PMP22: variants seen among roughly 807,000 people sequenced by gnomAD.
The protein encoded by PMP22 is Charcot-Marie-Tooth neuropathy 1A (greatly reduced nerve conduction velocity, hereditary motor sensory neuropathy Ia).
PMP22 carries 2 observed loss-of-function variants against 18.9 expected under a neutral mutation model. The observed-to-expected ratio is 0.11, with a 90% CI of 0.04 to 0.33. The LOEUF is 0.33. Among genes scored for constraint, PMP22 ranks in the 10% least tolerant of loss-of-function variants. The probability of loss-of-function intolerance (pLI) is 1.00; values close to 1 mark genes in which losing one functional copy is unlikely to be tolerated. For missense variants in PMP22, 169 were observed against 202.2 expected (o/e 0.84, Z 1.00); for synonymous variants, 95 against 89.2 (o/e 1.07, Z -0.37).
At chr17:15,260,864 C>G in intron 1 of PMP22, 103 bp from the exon 2 acceptor site, 1 of 835,900 alleles carries the variant, frequency 1.2e-6, no homozygotes, top group Non-Finnish European at 1.9e-6. Flanking sequence ...CCGGCCTGGC[C>G]CAGCGCCCGC....
intron 3 of PMP22, 64 bp from the exon 4 acceptor site, chr17:15,239,675 G>A: frequency 1.3e-6 from 2 of 1,565,516 alleles, no homozygotes; most frequent in Non-Finnish European, 8.8e-7. Flanking sequence ...CTGCCTCGAG[G>A]TGCAGGGCCT....
chr17:15,262,389 TCTC>T (rs1288713365), intron 1 of PMP22: 3 of 152,144 alleles, frequency 2.0e-5, no homozygotes, highest in East Asian at 3.9e-4. Context: ...TGCCCACATT[TCTC>T]CTCCATCTCC....
At chr17:15,234,544 G>A (rs570699854) in intron 4 of PMP22, among the ~76,000 whole-genome samples, 86 of 152,090 alleles carry the variant, frequency 5.7e-4, no homozygotes, top group Non-Finnish European at 9.4e-4. Context: ...GCAGGAAGGG[G>A]CTGTGAGGCC....
At chr17:15,235,204 G>A (rs1906692196) in intron 4 of PMP22, 1 of 717,426 alleles carries the variant, frequency 1.4e-6, no homozygotes, top group Non-Finnish European at 2.6e-6. Context: ...AAAAGAGAGA[G>A]AAAGTGAAAC....
intron 3 of PMP22, among the ~76,000 whole-genome samples, chr17:15,243,824 A>T (rs962409935): frequency 2.0e-5 from 3 of 149,428 alleles, no homozygotes; most frequent in Non-Finnish European, 4.4e-5. Flanking sequence ...TTTTATTTAT[A>T]GACATACAAA....
At chr17:15,252,294 G>A (rs1360124900) in intron 3 of PMP22, among the ~76,000 whole-genome samples, 1 of 152,174 alleles carries the variant, frequency 6.6e-6, no homozygotes, top group African/African-American at 2.4e-5. Flanking sequence ...AAGGGCTCAG[G>A]TTGGGGGCTG....
Position 15,230,911 on chromosome 17 carries a change from G to C in PMP22, c.*6C>G, listed in dbSNP as rs1308336637. 1 of 1,613,562 alleles carries C rather than the reference G, an allele frequency of 6.2e-7. No individual in the cohort carries two copies. Among genetic ancestry groups the C allele is most frequent in the African/African-American group, 1.3e-5 (1 of 74,894 alleles). On this transcript the variant is annotated 3_prime_UTR_variant, in exon 5 of 5. Transcript: ENST00000312280. ...CTCAGAGCCTCAGACAGACCGTCTG[G>C]GCGCCTCATTCGCGTTTCCGCAAGA...
At chr17:15,236,912 C>T (rs748678616) in intron 4 of PMP22, among the ~76,000 whole-genome samples, 1 of 152,154 alleles carries the variant, frequency 6.6e-6, no homozygotes, top group Non-Finnish European at 1.5e-5. Flanking sequence ...GGATTAACAA[C>T]GGAGGACAGG....
At chr17:15,248,399 A>G (rs1424914513) in intron 3 of PMP22, among the ~76,000 whole-genome samples, 2 of 152,234 alleles carry the variant, frequency 1.3e-5, no homozygotes, top group East Asian at 3.8e-4. Flanking sequence ...AAGGTATTCC[A>G]GCTAACTTTG....
chr17:15,243,906 T>C (rs1245573868), intron 3 of PMP22, among the ~76,000 whole-genome samples: 2 of 151,454 alleles, frequency 1.3e-5, no homozygotes, highest in South Asian at 2.1e-4. Flanking sequence ...AATAAAAGAA[T>C]GGGATGGAAT....
At chr17:15,264,255 T>TAGATAGATAGATAGATAGATAG (rs9303128) in intron 1 of PMP22, among the ~76,000 whole-genome samples, 9 of 150,232 alleles carry the variant, frequency 6.0e-5, no homozygotes, top group Non-Finnish European at 1.0e-4. Context: ...GATAGATAGA[T>TAGATAGATAGATAGATAGATAG]ATAGATAGAT....
chr17:15,248,676 T>G (rs1231972076), intron 3 of PMP22, among the ~76,000 whole-genome samples: 1 of 151,992 alleles, frequency 6.6e-6, no homozygotes, highest in African/African-American at 2.4e-5. Flanking sequence ...AGAATTGCTC[T>G]TGGAAGACTT....
rs955384444 is a variant in PMP22, at chr17:15,233,860, G to A, written c.320-2780C>T. ...AACTGGAGAACTGGAGAAGCCACACGGACTCTCATATAATAGGCTGATTAG... is the reference window on the plus strand; with the variant it reads ...AACTGGAGAACTGGAGAAGCCACACAGACTCTCATATAATAGGCTGATTAG... On this transcript the variant is annotated intron_variant, in intron 4 of 4. Coordinates refer to ENST00000312280, the MANE Select transcript of PMP22 (RefSeq NM_000304.4). 7.9e-5 allele frequency among the ~76,000 whole-genome samples: 12 copies of A among 152,172 alleles called. No homozygotes were observed. In the South Asian group the frequency reaches 1.7e-3, roughly 21 times the overall value.
intron 3 of PMP22, among the ~76,000 whole-genome samples, chr17:15,250,987 G>C (rs967379082): frequency 6.6e-6 from 1 of 152,074 alleles, no homozygotes; most frequent in Non-Finnish European, 1.5e-5. Context: ...ATCAAATCAT[G>C]ACACTCTTCT....
intron 3 of PMP22, among the ~76,000 whole-genome samples, chr17:15,246,151 A>T (rs1907795817): frequency 1.3e-5 from 2 of 152,226 alleles, no homozygotes; most frequent in Non-Finnish European, 1.5e-5. Context: ...TCTCCAGCAT[A>T]AGGGTGCTAC....
Position 15,234,295 on chromosome 17 carries a change from C to CT in PMP22, c.320-3216dup, listed in dbSNP as rs1405793603. On this transcript the variant is annotated intron_variant, in intron 4 of 4. Coordinates refer to ENST00000312280, the MANE Select transcript of PMP22 (RefSeq NM_000304.4). ...GAATAGAGCTTCAAAGAGTAAGTAG[C>CT]TAACAGTATTGAAAGGAGCAGAGTG... is the stretch of plus-strand genomic sequence containing the variant. Among the ~76,000 whole-genome samples the CT allele has an allele frequency of 2.6e-5, 4 of 152,134 alleles. No individual in the cohort carries two copies. In the East Asian group the frequency reaches 7.7e-4, roughly 29 times the overall value.
chr17:15,239,425 T>C lies in PMP22; in HGVS notation c.319+46A>G, dbSNP rs761100795. On this transcript the variant is annotated intron_variant, in intron 4 of 4. Coordinates refer to ENST00000312280, the MANE Select transcript of PMP22 (RefSeq NM_000304.4). ...CTACTAAACTAATCATTCCGCAGAC[T>C]TGGATGCACCCCGCTTCCACATGGA... is the stretch of plus-strand genomic sequence containing the variant. 56 of 1,606,866 alleles carry C rather than the reference T, an allele frequency of 3.5e-5. No individual in the cohort carries two copies. In the South Asian group the frequency reaches 5.9e-4, roughly 17 times the overall value.
In PMP22 at chr17:15,260,757, T is replaced by C; in HGVS notation, c.-30A>G. 1 of 1,542,716 alleles carries C rather than the reference T, an allele frequency of 6.5e-7. No homozygotes were observed. Among genetic ancestry groups the C allele is most frequent in the Non-Finnish European group, 8.8e-7 (1 of 1,138,998 alleles). On this transcript the variant is annotated 5_prime_UTR_variant, in exon 2 of 5. Coordinates refer to ENST00000312280, the MANE Select transcript of PMP22 (RefSeq NM_000304.4). The stretch of plus-strand genomic sequence containing the variant: ...GCGGCAAGTTCTGCTCAGCGGAGTT[T>C]CTGCCTGCGAGGAGAGCGCTGGGCG...
chr17:15,235,604 C>A (rs372267902), intron 4 of PMP22, among the ~76,000 whole-genome samples: 55 of 152,082 alleles, frequency 3.6e-4, no homozygotes, highest in African/African-American at 1.2e-3. Context: ...TCCTAGAAAA[C>A]CTTACAGTGG....
Sources: gnomAD v4.1 joint callset for allele counts (sites outside exome capture counted in the v4.1 genomes callset) on GRCh38, gnomAD v4.1.1 for gene constraint, MANE v1.5 for transcripts, NCBI Gene and HGNC (gene_info 2026-07-23, HGNC 2026-07-21) for gene names.